VPS53: variants seen among roughly 807,000 people sequenced by gnomAD.
VPS53 encodes the protein VPS53 subunit of GARP complex, also known as vacuolar protein sorting-associated protein 53 homolog.
VPS53 carries 70 observed loss-of-function variants against 107.0 expected under a neutral mutation model. The observed-to-expected ratio is 0.65, with a 90% CI of 0.54 to 0.80. VPS53 has a LOEUF of 0.80. VPS53 is among the 30% of genes least tolerant of loss of function. VPS53 has a pLI of 0.00. For missense variants in VPS53, 917 were observed against 1,049.4 expected, an observed-to-expected ratio of 0.87 and a Z score of 1.74; for synonymous variants, 409 against 393.3, an observed-to-expected ratio of 1.04 and a Z score of -0.47.
chr17:588,952 T>G lies in VPS53; in HGVS notation c.1219-2588A>C, dbSNP rs1259216983. On this transcript the variant is annotated intron_variant, in intron 12 of 21. Transcript: ENST00000437048. ...GATTCAATAAGATGACTTAAGTGAA[T>G]AGAAAAATGTGATTTAATTTGTCTA... Among the ~76,000 whole-genome samples, 5 of 135,122 alleles carry G rather than the reference T, an allele frequency of 3.7e-5. No individual in the cohort carries two copies. In the East Asian group the frequency reaches 9.9e-4, roughly 27 times the overall value. 88.6% of individuals were successfully genotyped at this position (135,122 alleles called of 152,430 possible).
At position 621,201 on chromosome 17, in the gene VPS53, A is replaced by G. The variant is rs73975714; in HGVS notation, c.1116+2332T>C. On this transcript the variant is annotated intron_variant, in intron 11 of 21. Transcript: ENST00000437048. The stretch of plus-strand genomic sequence containing the variant: ...AAACATGCTTTTTACTTTTTCCATA[A>G]AAGACATTATACCTCCCAAAGTGCT... Among the ~76,000 whole-genome samples, 401 of 152,236 alleles carry G rather than the reference A, an allele frequency of 2.6e-3. 3 individuals carry two copies. Among genetic ancestry groups the G allele is most frequent in the African/African-American group, 9.3e-3 (388 of 41,530 alleles).
chr17:578,681 C>T (rs115728335), intron 13 of VPS53, among the ~76,000 whole-genome samples: 1,655 of 151,276 alleles, frequency 0.011, 26 homozygotes, highest in African/African-American at 0.034. Context: ...CCCTGAGAAC[C>T]TAATTCCTTC....
chr17:549,399 G>A (rs1033180760), intron 17 of VPS53, among the ~76,000 whole-genome samples: 10 of 152,064 alleles, frequency 6.6e-5, no homozygotes, highest in African/African-American at 2.4e-4. Flanking sequence ...CCAAGTCTGT[G>A]GTTTTCCTAT....
At chr17:670,904 T>C (rs12450176) in intron 4 of VPS53, among the ~76,000 whole-genome samples, 15,052 of 152,262 alleles carry the variant, frequency 0.099, 834 homozygotes, top group East Asian at 0.21. Context: ...ACTTGACATC[T>C]ATCTGCTGGT....
chr17:627,408 G>C, intron 9 of VPS53, 92 bp from the exon 10 acceptor site: 1 of 1,405,472 alleles, frequency 7.1e-7, no homozygotes, highest in Non-Finnish European at 9.6e-7. Flanking sequence ...CCAAGCAAAA[G>C]GGAACCAACC....
chr17:623,617 A>T lies in VPS53; in HGVS notation c.1032T>A (p.Leu344=), dbSNP rs755886657. The change falls in exon 11 of 22, where the codon CTT becomes CTA. Residue 344 remains leucine, a synonymous_variant. Coordinates refer to ENST00000437048, the MANE Select transcript of VPS53 (RefSeq NM_001128159.3). ...TRAKEIEVKL[L]LFAIQRTTNF... The stretch of plus-strand genomic sequence containing the variant: ...TAGTTGTTCTTTGAATAGCAAAAAG[A>T]AGCAATTTCACTTCAATTTCCTTCG... 6.2e-7 allele frequency: 1 copy of T among 1,613,932 alleles called. No homozygotes were observed. Among genetic ancestry groups the T allele is most frequent in the African/African-American group, 1.3e-5 (1 of 74,932 alleles).
intron 7 of VPS53, among the ~76,000 whole-genome samples, chr17:650,500 AAAAC>A (rs1042218049): frequency 6.6e-6 from 1 of 152,010 alleles, no homozygotes; most frequent in African/African-American, 2.4e-5. Flanking sequence ...CCGTCTCAAA[AAAAC>A]AAAACAAAAC....
In VPS53 at chr17:661,911, T is replaced by C. The variant is rs1278294386; in HGVS notation, c.286-16A>G. 2 of 1,548,808 alleles carry C rather than the reference T, an allele frequency of 1.3e-6. No homozygotes were observed. Among genetic ancestry groups the C allele is most frequent in the East Asian group, 2.4e-5 (1 of 40,908 alleles). Reference sequence around the variant, plus strand: ...CTTCAAGCGCCTAGAGTAAGGGAAATACATGAAAAACAAAAAGTGGCTAGA... The same window carrying C: ...CTTCAAGCGCCTAGAGTAAGGGAAACACATGAAAAACAAAAAGTGGCTAGA... On this transcript the variant is annotated splice_polypyrimidine_tract_variant and intron_variant, in intron 4 of 21. Transcript: ENST00000437048.
At chr17:712,488 C>G (rs1973682775) in intron 1 of VPS53, among the ~76,000 whole-genome samples, 2 of 151,900 alleles carry the variant, frequency 1.3e-5, no homozygotes, top group Non-Finnish European at 2.9e-5. Context: ...CAATTTTCAC[C>G]TTATGCAATG....
chr17:657,234 C>A, intron 5 of VPS53: 2 of 1,236,132 alleles, frequency 1.6e-6, no homozygotes, highest in Non-Finnish European at 1.2e-6. Context: ...ACTTGGTCTC[C>A]TCAGGTGTAC....
intron 4 of VPS53, among the ~76,000 whole-genome samples, chr17:689,954 A>G (rs1265364293): frequency 1.3e-5 from 2 of 152,308 alleles, no homozygotes; most frequent in East Asian, 1.9e-4. Flanking sequence ...AAATCAAGAC[A>G]TGGGAAGATG....
At position 509,946 on chromosome 17, in the gene VPS53, AC is replaced by A. The variant is rs1907843875; in HGVS notation, c.*9181del. ...CATATCAAATCCTGGCTCGCCCCTC[AC>A]CAGTCACATATCAAATCCTGGCTCG... On this transcript the variant is annotated 3_prime_UTR_variant, in exon 22 of 22. Transcript: ENST00000437048. The A allele has an allele frequency of 2.1e-5, 1 of 47,824 alleles. No homozygotes were observed. Among genetic ancestry groups the A allele is most frequent in the African/African-American group, 9.0e-5 (1 of 11,122 alleles). The allele number at this position is 47,824 out of a possible 1,614,324, so 3.0% of individuals were successfully genotyped here. A position where few individuals can be genotyped will look rare whatever the true frequency, so the allele number is the denominator to read the frequency against.
At chr17:585,631 G>C (rs1350044130) in intron 13 of VPS53, among the ~76,000 whole-genome samples, 2 of 152,076 alleles carry the variant, frequency 1.3e-5, no homozygotes. Flanking sequence ...GACAGCGTGA[G>C]ACTCTGTCTC....
chr17:556,339 AAT>A (rs1040258152), intron 15 of VPS53, among the ~76,000 whole-genome samples: 1 of 152,224 alleles, frequency 6.6e-6, no homozygotes, highest in Non-Finnish European at 1.5e-5. Flanking sequence ...CAACACCAAT[AAT>A]ACATCATTAT....
At chr17:712,999 A>G (rs1973699056) in intron 1 of VPS53, among the ~76,000 whole-genome samples, 1 of 152,162 alleles carries the variant, frequency 6.6e-6, no homozygotes. Context: ...TGGCGTTCTC[A>G]GGCTAGGACA....
chr17:584,575 G>A (rs888392332), intron 13 of VPS53, among the ~76,000 whole-genome samples: 11 of 152,136 alleles, frequency 7.2e-5, no homozygotes, highest in Non-Finnish European at 5.9e-5. Context: ...TCACCAAGCT[G>A]GGTGGCATAG....
chr17:552,239 A>G (rs544017878), intron 16 of VPS53, among the ~76,000 whole-genome samples: 1 of 152,348 alleles, frequency 6.6e-6, no homozygotes, highest in East Asian at 1.9e-4. Flanking sequence ...AAAATGTTTA[A>G]GTCAGAACTG....
chr17:694,294 T>C (rs1486843553), intron 4 of VPS53, among the ~76,000 whole-genome samples: 1 of 152,224 alleles, frequency 6.6e-6, no homozygotes, highest in Non-Finnish European at 1.5e-5. Flanking sequence ...CGGCAACCTG[T>C]AACCTATTAA....
At chr17:645,607 T>G (rs1049673668) in intron 7 of VPS53, among the ~76,000 whole-genome samples, 20 of 152,226 alleles carry the variant, frequency 1.3e-4, no homozygotes, top group African/African-American at 4.8e-4. Flanking sequence ...AGATCTGGTC[T>G]TCGTTTTCTT....
Sources: allele counts gnomAD v4.1 joint callset (sites outside exome capture counted in the v4.1 genomes callset), GRCh38; gene constraint gnomAD v4.1.1; transcripts MANE v1.5; gene names NCBI Gene and HGNC (gene_info 2026-07-23, HGNC 2026-07-21).